ARHGEF7: variants seen among roughly 807,000 people sequenced by gnomAD.
ARHGEF7 encodes PAK-interacting exchange factor beta.
ARHGEF7 carries 33 observed loss-of-function variants against 109.8 expected under a neutral mutation model. The ratio of observed to expected loss-of-function variants is 0.30; its 90% CI spans 0.23 to 0.40. ARHGEF7 has a LOEUF of 0.40. ARHGEF7 is among the 10% of genes least tolerant of loss of function. The pLI is 1.00. For synonymous variants in ARHGEF7, 458 were observed against 424.6 expected (o/e 1.08, Z -0.97); for missense variants, 938 against 1,098.5 (o/e 0.85, Z 2.07).
chr13:111,124,294 A>G (rs1195755721), intron 1 of ARHGEF7, among the ~76,000 whole-genome samples: 3 of 152,354 alleles, frequency 2.0e-5, no homozygotes, highest in African/African-American at 7.2e-5. Context: ...CCTCAAAATG[A>G]CCAGGAAGTC....
intron 1 of ARHGEF7, among the ~76,000 whole-genome samples, chr13:111,143,084 G>A (rs559568601): frequency 6.6e-5 from 10 of 152,262 alleles, no homozygotes; most frequent in South Asian, 2.1e-4. Context: ...AGGCAGGGCC[G>A]CCATAAAAAA....
intron 2 of ARHGEF7, among the ~76,000 whole-genome samples, chr13:111,172,238 C>T (rs2077669716): frequency 6.6e-6 from 1 of 152,092 alleles, no homozygotes; most frequent in African/African-American, 2.4e-5. Context: ...GCTCTAGGGG[C>T]CTTTAGAGCA....
intron 1 of ARHGEF7, among the ~76,000 whole-genome samples, chr13:111,117,974 C>G (rs2066913972): frequency 6.6e-6 from 1 of 152,228 alleles, no homozygotes; most frequent in African/African-American, 2.4e-5. Context: ...GATGTTTTTT[C>G]CTTAAAAAGA....
chr13:111,299,325 G>A (rs923564638), intron 19 of ARHGEF7, among the ~76,000 whole-genome samples: 5 of 150,738 alleles, frequency 3.3e-5, no homozygotes, highest in African/African-American at 1.2e-4. Flanking sequence ...TAAAATGCTG[G>A]TGAAGCCATT....
chr13:111,226,971 A>G (rs1206878558), intron 5 of ARHGEF7, among the ~76,000 whole-genome samples: 1 of 152,214 alleles, frequency 6.6e-6, no homozygotes, highest in Non-Finnish European at 1.5e-5. Flanking sequence ...TTAGGGCCTC[A>G]GGACTTCAGT....
chr13:111,200,644 C>T (rs932298791), intron 2 of ARHGEF7, among the ~76,000 whole-genome samples: 8 of 152,186 alleles, frequency 5.3e-5, no homozygotes, highest in African/African-American at 1.4e-4. Flanking sequence ...CCAAAATTAA[C>T]GCCATGTTCT....
intron 8 of ARHGEF7, among the ~76,000 whole-genome samples, chr13:111,261,850 A>G (rs1426316577): frequency 6.6e-6 from 1 of 152,238 alleles, no homozygotes; most frequent in Non-Finnish European, 1.5e-5. Context: ...GAAATTAAAC[A>G]GTGTGCTCCT....
chr13:111,265,146 A>AAGC (rs2091501227), intron 8 of ARHGEF7, among the ~76,000 whole-genome samples: 1 of 147,156 alleles, frequency 6.8e-6, no homozygotes, highest in Admixed American at 6.7e-5. Context: ...AAAAAAAAAA[A>AAGC]AGAAGACCCA....
At chr13:111,187,816 C>T (rs895529245) in intron 2 of ARHGEF7, among the ~76,000 whole-genome samples, 1 of 152,184 alleles carries the variant, frequency 6.6e-6, no homozygotes, top group African/African-American at 2.4e-5. Context: ...CAACTTTTGT[C>T]CGCTAGGCAG....
intron 1 of ARHGEF7, among the ~76,000 whole-genome samples, chr13:111,150,770 C>T (rs2075848456): frequency 2.6e-5 from 4 of 152,108 alleles, no homozygotes; most frequent in Admixed American, 2.6e-4. Flanking sequence ...TGTATTATGC[C>T]CTGAGGGGCT....
At chr13:111,238,881 A>C (rs1364142481) in intron 6 of ARHGEF7, among the ~76,000 whole-genome samples, 1 of 152,168 alleles carries the variant, frequency 6.6e-6, no homozygotes, top group African/African-American at 2.4e-5. Context: ...GTCCGTTCTC[A>C]CGCTGCTGTG....
chr13:111,136,110 G>A (rs867031671), intron 1 of ARHGEF7, among the ~76,000 whole-genome samples: 14 of 152,134 alleles, frequency 9.2e-5, no homozygotes, highest in East Asian at 3.9e-4. Flanking sequence ...ATTGATTTTC[G>A]TATGTTGAAC....
At chr13:111,154,575 G>A (rs137888815) in intron 2 of ARHGEF7, among the ~76,000 whole-genome samples, 8 of 152,210 alleles carry the variant, frequency 5.3e-5, no homozygotes, top group Non-Finnish European at 1.2e-4. Context: ...ACATTAACCA[G>A]TATGTGACGT....
At chr13:111,172,147 G>A (rs763977949) in intron 2 of ARHGEF7, among the ~76,000 whole-genome samples, 18 of 152,166 alleles carry the variant, frequency 1.2e-4, no homozygotes, top group Non-Finnish European at 2.1e-4. Context: ...CTCTAAATAC[G>A]TAAGTAGCTC....
At chr13:111,271,729 A>G (rs1055688550) in intron 9 of ARHGEF7, among the ~76,000 whole-genome samples, 2 of 152,254 alleles carry the variant, frequency 1.3e-5, no homozygotes, top group African/African-American at 2.4e-5. Context: ...AAACAGCATC[A>G]ACACGATGGG....
chr13:111,231,015 T>A (rs1366897983), intron 5 of ARHGEF7, among the ~76,000 whole-genome samples: 1 of 152,202 alleles, frequency 6.6e-6, no homozygotes, highest in Non-Finnish European at 1.5e-5. Flanking sequence ...AAGTTTAAAA[T>A]AACACAGCTG....
chr13:111,153,143 T>G (rs918014616), intron 1 of ARHGEF7, among the ~76,000 whole-genome samples: 1 of 152,272 alleles, frequency 6.6e-6, no homozygotes, highest in Non-Finnish European at 1.5e-5. Context: ...TTTAAGTCAT[T>G]GCATTAGAAT....
rs2091624239 is a variant in ARHGEF7 at position 111,266,211 on chromosome 13, C to T, written c.951-1337C>T. Among the ~76,000 whole-genome samples the T allele has an allele frequency of 6.6e-6, 1 of 151,972 alleles. No homozygotes were observed. Among genetic ancestry groups the T allele is most frequent in the Admixed American group, 6.5e-5 (1 of 15,268 alleles). On this transcript the variant is annotated intron_variant, in intron 8 of 21. Transcript: ENST00000646102. This position sits in a 1 kb window ranked among gnomAD's most constrained non-coding sequence, Gnocchi z 4.8. ...GAGGAAGCGATTTCCACCCCCGTTT[C>T]AAGGGGTGCTTCAGTGTTTCTGGGC...
chr13:111,149,376 C>G (rs2075778906), intron 1 of ARHGEF7, among the ~76,000 whole-genome samples: 1 of 152,148 alleles, frequency 6.6e-6, no homozygotes, highest in Admixed American at 6.5e-5. Context: ...GTTGTGTTAA[C>G]TCAGTTCAGA....
Sources: gnomAD v4.1 joint callset for allele counts (sites outside exome capture counted in the v4.1 genomes callset) on GRCh38, gnomAD v4.1.1 for gene constraint, Gnocchi (gnomAD v3.1) non-coding constraint, MANE v1.5 for transcripts, NCBI Gene and HGNC (gene_info 2026-07-23, HGNC 2026-07-21) for gene names.